The following CDH13 variants were observed in gnomAD, a reference collection of about 807,000 sequenced individuals.
CDH13 encodes cadherin-13.
In CDH13, 24 loss-of-function variants were observed where a neutral mutation model predicts 63.8. That is an observed-to-expected ratio of 0.38 (90% CI 0.27 to 0.53). CDH13 has a LOEUF of 0.53. Among genes scored for constraint, CDH13 ranks in the 20% least tolerant of loss-of-function variants. The pLI is 0.85. For missense variants in CDH13, 1,049 were observed against 903.1 expected, an observed-to-expected ratio of 1.16 and a Z score of -2.07; for synonymous variants, 503 against 355.3, an observed-to-expected ratio of 1.42 and a Z score of -4.67.
chr16:83,047,231 C>G lies in CDH13; in HGVS notation c.366+15013C>G, dbSNP rs923388890. 1.4e-5 allele frequency among the ~76,000 whole-genome samples: 2 copies of G among 146,796 alleles called. No homozygotes were observed. Among genetic ancestry groups the G allele is most frequent in the Non-Finnish European group, 3.1e-5 (2 of 65,120 alleles). ...TGCCCCTCACTCTTACTCCAGAGGC[C>G]TGTGTATTTATTTATTTATTTATTT... On this transcript the variant is annotated intron_variant, in intron 3 of 13. Transcript: ENST00000567109. The surrounding 1 kb of genome is among the most constrained non-coding windows in gnomAD (Gnocchi z 4.9).
chr16:82,627,379 T>C (rs1360292466), intron 1 of CDH13, among the ~76,000 whole-genome samples: 1 of 136,334 alleles, frequency 7.3e-6, no homozygotes, highest in Non-Finnish European at 1.6e-5. Context: ...TGTGTGTGTG[T>C]GTACGTTCGT....
At chr16:82,903,551 G>A (rs1258919387) in intron 2 of CDH13, among the ~76,000 whole-genome samples, 1 of 152,146 alleles carries the variant, frequency 6.6e-6, no homozygotes, top group East Asian at 1.9e-4. Flanking sequence ...TGACGCTTAG[G>A]ACTTGAACCC....
chr16:82,739,021 G>A (rs1443590909), intron 1 of CDH13, among the ~76,000 whole-genome samples: 2 of 152,140 alleles, frequency 1.3e-5, no homozygotes, highest in African/African-American at 4.8e-5. Context: ...AGCAAGATAC[G>A]TTTTTTATTC....
intron 8 of CDH13, among the ~76,000 whole-genome samples, chr16:83,649,032 A>G (rs1160752794): frequency 2.0e-5 from 3 of 152,228 alleles, no homozygotes; most frequent in African/African-American, 4.8e-5. Context: ...AAGGAAATTC[A>G]AGCTGAAAGA....
At chr16:83,486,257 G>A (rs1304893524) in intron 6 of CDH13, among the ~76,000 whole-genome samples, 1 of 152,176 alleles carries the variant, frequency 6.6e-6, no homozygotes, top group East Asian at 1.9e-4. Flanking sequence ...GAACAGCAAA[G>A]ATGTTTTCTT....
In CDH13 at chr16:83,780,092, C is replaced by A. The variant is rs532952295; in HGVS notation, c.1806C>A (p.Val602=). The part of the protein sequence containing the change: ...VCDDAKNLSV[V]ILGASDKDLH... ...ATGATGCCAAAAACCTCAGTGTAGT[C>A]ATTTTGGGAGCATCAGATAAGGATC... The change falls in exon 12 of 14, where the codon GTC becomes GTA. Residue 602 remains valine, a synonymous_variant. Coordinates refer to ENST00000567109, the MANE Select transcript of CDH13 (RefSeq NM_001257.5). 1.2e-6 allele frequency: 2 copies of A among 1,613,838 alleles called. No homozygotes were observed. The highest frequency in any genetic ancestry group is 2.2e-5 in the East Asian group (1 of 44,872).
intron 1 of CDH13, among the ~76,000 whole-genome samples, chr16:82,702,317 A>G (rs1039232280): frequency 6.6e-6 from 1 of 152,158 alleles, no homozygotes; most frequent in Non-Finnish European, 1.5e-5. Flanking sequence ...CTACACTTCC[A>G]TCATGGTTCT....
At chr16:82,646,546 C>G (rs985126489) in intron 1 of CDH13, among the ~76,000 whole-genome samples, 1 of 152,066 alleles carries the variant, frequency 6.6e-6, no homozygotes, top group African/African-American at 2.4e-5. Flanking sequence ...AAAAGTGGGT[C>G]AAAGAAATGG....
chr16:83,765,372 A>G (rs1914301243), intron 11 of CDH13, among the ~76,000 whole-genome samples: 1 of 152,168 alleles, frequency 6.6e-6, no homozygotes, highest in Non-Finnish European at 1.5e-5. Flanking sequence ...TTTGTACAAC[A>G]GTTTAGTTTT....
At chr16:83,182,623 G>A (rs886388692) in intron 4 of CDH13, among the ~76,000 whole-genome samples, 2 of 152,210 alleles carry the variant, frequency 1.3e-5, no homozygotes, top group Non-Finnish European at 2.9e-5. Context: ...GTTTAAGAAT[G>A]TATAGTCTAA....
intron 11 of CDH13, among the ~76,000 whole-genome samples, chr16:83,755,669 TTAAAGATGC>T (rs541025230): frequency 3.9e-4 from 60 of 152,242 alleles, no homozygotes; most frequent in African/African-American, 1.4e-3. Context: ...TCTGAGCACT[TTAAAGATGC>T]CTACCAACCT....
intron 5 of CDH13, among the ~76,000 whole-genome samples, chr16:83,315,612 A>G (rs1344026057): frequency 6.6e-6 from 1 of 151,846 alleles, no homozygotes; most frequent in Non-Finnish European, 1.5e-5. Context: ...AAATAAAAGA[A>G]TCACCAAATA....
chr16:82,933,697 T>C (rs751160966), intron 2 of CDH13, among the ~76,000 whole-genome samples: 1 of 152,154 alleles, frequency 6.6e-6, no homozygotes, highest in African/African-American at 2.4e-5. Context: ...ACTTCCTAGA[T>C]ACAATGGAGA....
chr16:83,094,246 C>A (rs955982967), intron 3 of CDH13, among the ~76,000 whole-genome samples: 2 of 152,098 alleles, frequency 1.3e-5, no homozygotes, highest in African/African-American at 4.8e-5. Flanking sequence ...CACTTGTGAC[C>A]CCTGCTTTGC....
Position 83,530,354 on chromosome 16 carries a change from C to G in CDH13, c.960+43699C>G, listed in dbSNP as rs138522095. ...TGACCTTGTGCTGAGTTTTATGATTCTCATATTAGACACCTTCTTACACAT... is the reference window on the plus strand; with the variant it reads ...TGACCTTGTGCTGAGTTTTATGATTGTCATATTAGACACCTTCTTACACAT... On this transcript the variant is annotated intron_variant, in intron 7 of 13. Coordinates refer to ENST00000567109, the MANE Select transcript of CDH13 (RefSeq NM_001257.5). 2.6e-5 allele frequency among the ~76,000 whole-genome samples: 4 copies of G among 152,270 alleles called. No homozygotes were observed. The East Asian group carries it at 7.7e-4, about 29-fold the overall frequency.
chr16:83,168,541 A>G (rs1219971276), intron 4 of CDH13, among the ~76,000 whole-genome samples: 1 of 152,076 alleles, frequency 6.6e-6, no homozygotes, highest in African/African-American at 2.4e-5. Flanking sequence ...CGACTCCAGT[A>G]TTCCATTTTC....
chr16:83,006,583 A>G (rs541998852), intron 2 of CDH13, among the ~76,000 whole-genome samples: 2 of 152,106 alleles, frequency 1.3e-5, no homozygotes, highest in Non-Finnish European at 2.9e-5. Context: ...TCCACAGCCC[A>G]TATCCCAATG....
chr16:83,303,952 G>T (rs893056492), intron 5 of CDH13, among the ~76,000 whole-genome samples: 3 of 152,160 alleles, frequency 2.0e-5, no homozygotes, highest in Non-Finnish European at 2.9e-5. Flanking sequence ...GGGGATCTCA[G>T]ACTTTGCCTA....
At chr16:83,061,326 G>A (rs887183381) in intron 3 of CDH13, among the ~76,000 whole-genome samples, 7 of 152,016 alleles carry the variant, frequency 4.6e-5, no homozygotes, top group African/African-American at 1.7e-4. Flanking sequence ...TTGCAAAGGG[G>A]CTTTGTCCGG....
Sources: allele counts gnomAD v4.1 joint callset (sites outside exome capture counted in the v4.1 genomes callset), GRCh38; gene constraint gnomAD v4.1.1; non-coding constraint Gnocchi (gnomAD v3.1); transcripts MANE v1.5; gene names NCBI Gene and HGNC (gene_info 2026-07-23, HGNC 2026-07-21).